PTPRD: variants seen among roughly 807,000 people sequenced by gnomAD.
PTPRD encodes protein tyrosine phosphatase receptor type D.
PTPRD carries 34 observed loss-of-function variants against 214.5 expected under a neutral mutation model. The observed-to-expected ratio is 0.16, with a 90% confidence interval of 0.12 to 0.21. PTPRD has a LOEUF of 0.21. Among genes scored for constraint, PTPRD ranks in the 10% least tolerant of loss-of-function variants. The probability of loss-of-function intolerance (pLI) is 1.00; values close to 1 mark genes in which losing one functional copy is unlikely to be tolerated. For missense variants in PTPRD, 2,545 were observed against 2,398.7 expected (o/e 1.06, Z -1.27); for synonymous variants, 1,128 against 845.7 (o/e 1.33, Z -5.79).
chr9:9,833,670 G>A (rs2055729774), intron 5 of PTPRD, among the ~76,000 whole-genome samples: 1 of 113,196 alleles, frequency 8.8e-6, no homozygotes, highest in South Asian at 3.0e-4. Context: ...TAAGAGACAG[G>A]TACGCTCCGG....
chr9:9,632,994 G>A (rs2154360694), intron 7 of PTPRD, among the ~76,000 whole-genome samples: 1 of 152,098 alleles, frequency 6.6e-6, no homozygotes, highest in Non-Finnish European at 1.5e-5. Flanking sequence ...ACAAAAAGAT[G>A]AAATTAGAAA....
chr9:8,819,724 T>A (rs1235544859), intron 11 of PTPRD, among the ~76,000 whole-genome samples: 1 of 152,210 alleles, frequency 6.6e-6, no homozygotes, highest in East Asian at 1.9e-4. Flanking sequence ...TTTTAGGCAC[T>A]TTCAATAAAA....
intron 3 of PTPRD, among the ~76,000 whole-genome samples, chr9:10,114,910 A>G (rs997755835): frequency 2.6e-5 from 4 of 151,804 alleles, no homozygotes; most frequent in Non-Finnish European, 5.9e-5. Context: ...TTTATTGTAA[A>G]ATTTTCTAAG....
chr9:9,880,638 TTG>T (rs1159290377), intron 5 of PTPRD, among the ~76,000 whole-genome samples: 1 of 152,168 alleles, frequency 6.6e-6, no homozygotes, highest in East Asian at 1.9e-4. Flanking sequence ...TCTGTGTGTG[TTG>T]TGTGCTTGTG....
chr9:10,026,109 G>A (rs904366118), intron 4 of PTPRD, among the ~76,000 whole-genome samples: 2 of 152,208 alleles, frequency 1.3e-5, no homozygotes, highest in Non-Finnish European at 2.9e-5. Flanking sequence ...ATGTACTGAT[G>A]AGAAAGTGCC....
At position 8,315,326 on chromosome 9, in the gene PTPRD, A is replaced by G. The variant is rs1192860049; in HGVS notation, c.*2548T>C. On this transcript the variant is annotated 3_prime_UTR_variant, in exon 46 of 46. Coordinates refer to ENST00000381196, the MANE Select transcript of PTPRD (RefSeq NM_002839.4). ...TTATTGTCATCTTTCCCTTTGCCAA[A>G]TGGGCAGTTATTGTTTCAGGGAGAG... 1.7e-5 allele frequency: 4 copies of G among 232,450 alleles called. No individual in the cohort carries two copies. The highest frequency in any genetic ancestry group is 1.2e-3 in the Middle Eastern group (1 of 806). The allele number at this position is 232,450 out of a possible 1,614,324, so 14.4% of individuals were successfully genotyped here.
chr9:10,465,881 T>C (rs915108406), intron 2 of PTPRD, among the ~76,000 whole-genome samples: 5 of 152,194 alleles, frequency 3.3e-5, no homozygotes, highest in African/African-American at 1.2e-4. Flanking sequence ...AGATCCTAAA[T>C]ACTATAAACT....
chr9:9,547,439 C>G (rs912607333), intron 8 of PTPRD, among the ~76,000 whole-genome samples: 3 of 152,010 alleles, frequency 2.0e-5, no homozygotes, highest in African/African-American at 4.8e-5. Context: ...AGAGCCAGGA[C>G]TTAATTAGGA....
intron 11 of PTPRD, among the ~76,000 whole-genome samples, chr9:8,881,758 T>G (rs2098448111): frequency 6.6e-6 from 1 of 152,220 alleles, no homozygotes; most frequent in South Asian, 2.1e-4. Flanking sequence ...AGAAAAAGAA[T>G]GACAGTCACA....
intron 10 of PTPRD, among the ~76,000 whole-genome samples, chr9:9,072,621 C>G (rs2099745413): frequency 6.6e-6 from 1 of 152,156 alleles, no homozygotes; most frequent in South Asian, 2.1e-4. Context: ...TTGCCACATA[C>G]TATTCTACAT....
intron 2 of PTPRD, among the ~76,000 whole-genome samples, chr9:10,458,084 C>A (rs2098931386): frequency 6.6e-6 from 1 of 151,782 alleles, no homozygotes; most frequent in Admixed American, 6.6e-5. Flanking sequence ...GAAAGAAAAA[C>A]CCAGGACCCA....
chr9:8,511,900 G>T (rs768166253), intron 21 of PTPRD, among the ~76,000 whole-genome samples: 1 of 151,996 alleles, frequency 6.6e-6, no homozygotes, highest in Non-Finnish European at 1.5e-5. Flanking sequence ...ATAAATATGT[G>T]AAAGCAACTC....
chr9:10,333,743 C>T (rs984849715), intron 3 of PTPRD, among the ~76,000 whole-genome samples: 3 of 151,802 alleles, frequency 2.0e-5, no homozygotes, highest in African/African-American at 7.3e-5. Context: ...ACTAAAGAAG[C>T]ACAGTGCTGT....
chr9:9,472,273 G>C (rs2094657250), intron 8 of PTPRD, among the ~76,000 whole-genome samples: 1 of 146,328 alleles, frequency 6.8e-6, no homozygotes, highest in Admixed American at 7.0e-5. Context: ...GCGCAATCTC[G>C]GCTCACTGCA....
At chr9:9,801,380 T>C (rs2099038915) in intron 5 of PTPRD, among the ~76,000 whole-genome samples, 1 of 151,884 alleles carries the variant, frequency 6.6e-6, no homozygotes. Flanking sequence ...GGAATGGAAA[T>C]GCTCTGCACC....
At chr9:9,674,310 T>A (rs989519790) in intron 7 of PTPRD, among the ~76,000 whole-genome samples, 2 of 151,576 alleles carry the variant, frequency 1.3e-5, no homozygotes, top group Admixed American at 6.6e-5. Flanking sequence ...CACAAGTACA[T>A]ACAACCACCA....
intron 3 of PTPRD, among the ~76,000 whole-genome samples, chr9:10,129,996 A>T (rs1209488694): frequency 6.6e-6 from 1 of 151,992 alleles, no homozygotes; most frequent in East Asian, 1.9e-4. Flanking sequence ...CTTGCAAATA[A>T]TATTGCTGAA....
chr9:8,499,951 A>T (rs1325061222), intron 24 of PTPRD, 111 bp from the exon 25 acceptor site: 12 of 828,400 alleles, frequency 1.4e-5, no homozygotes, highest in Non-Finnish European at 2.1e-5. Context: ...GGGTAAACCC[A>T]CTATGTTTTC....
chr9:9,917,691 A>C (rs959046126), intron 5 of PTPRD, among the ~76,000 whole-genome samples: 1 of 151,998 alleles, frequency 6.6e-6, no homozygotes, highest in Non-Finnish European at 1.5e-5. Context: ...CAAAAGTCTT[A>C]AACAAAATAC....
Sources: gnomAD v4.1 joint callset for allele counts (sites outside exome capture counted in the v4.1 genomes callset) on GRCh38, gnomAD v4.1.1 for gene constraint, MANE v1.5 for transcripts, NCBI Gene and HGNC (gene_info 2026-07-23, HGNC 2026-07-21) for gene names.